Variants in COL15A1 observed in about 807,000 individuals in gnomAD.
The protein encoded by COL15A1 is collagen type XV alpha 1 chain.
A neutral mutation model predicts 165.9 loss-of-function variants in COL15A1; 111 were observed. That is an observed-to-expected ratio of 0.67 (90% CI 0.57 to 0.78). The LOEUF (loss-of-function observed/expected upper bound fraction) is 0.78, where lower values mean the gene tolerates loss of function less well. COL15A1 is among the 30% of genes least tolerant of loss of function. The pLI, the probability that COL15A1 is intolerant of heterozygous loss-of-function variation, is 0.00. For synonymous variants in COL15A1, 659 were observed against 674.8 expected (o/e 0.98, Z 0.36); for missense variants, 1,745 against 1,789.7 (o/e 0.98, Z 0.45).
At chr9:99,066,599 GTTTTTTTTTTTTTTT>G (rs67961829) in intron 39 of COL15A1, among the ~76,000 whole-genome samples, 1 of 71,082 alleles carries the variant, frequency 1.4e-5, no homozygotes, top group East Asian at 3.6e-4. Flanking sequence ...ATTTTGTTCT[GTTTTTTTTTTTTTTT>G]TTTTTTTTTT....
In COL15A1 at chr9:99,053,564, C is replaced by T. The variant is rs61651644; in HGVS notation, c.2951-1012C>T. On this transcript the variant is annotated intron_variant, in intron 31 of 41. Coordinates refer to ENST00000375001, the MANE Select transcript of COL15A1 (RefSeq NM_001855.5). ...TTACTGTGTGCAGCTACTACTGCTC[C>T]GGTTGGTGCTGGTGCACTTGCTGTC... Among the ~76,000 whole-genome samples the T allele has an allele frequency of 5.8e-3, 880 of 152,330 alleles. 11 individuals carry two copies. Among genetic ancestry groups the T allele is most frequent in the African/African-American group, 0.019 (810 of 41,572 alleles).
chr9:99,027,315 C>A (rs1029787938), intron 16 of COL15A1, among the ~76,000 whole-genome samples: 2 of 152,200 alleles, frequency 1.3e-5, no homozygotes, highest in African/African-American at 4.8e-5. Context: ...TCTGTAGACA[C>A]CACCATCATC....
chr9:98,944,286 T>C (rs1474237119), intron 2 of COL15A1, 36 bp downstream of exon 2: 1 of 1,595,448 alleles, frequency 6.3e-7, no homozygotes, highest in Non-Finnish European at 8.6e-7. Flanking sequence ...ACCGGCTGCC[T>C]CCGCGCCCGT....
At chr9:99,055,199 T>C (rs769612603) in intron 33 of COL15A1, 48 bp downstream of exon 33, 1 of 1,593,590 alleles carries the variant, frequency 6.3e-7, no homozygotes, top group South Asian at 1.1e-5. Flanking sequence ...CAGGTTTTGG[T>C]TTATGTCAGA....
In COL15A1 at chr9:99,050,760, C is replaced by T. The variant is rs11793451; in HGVS notation, c.2904+865C>T. 5.8e-3 allele frequency among the ~76,000 whole-genome samples: 877 copies of T among 152,322 alleles called. 7 individuals carry two copies. Among genetic ancestry groups the T allele is most frequent in the Admixed American group, 0.012 (189 of 15,304 alleles). On this transcript the variant is annotated intron_variant, in intron 30 of 41. Transcript: ENST00000375001. The stretch of plus-strand genomic sequence containing the variant: ...TCTGCTCTCAGGAGCTTGCAAATTA[C>T]AATTTAGAAATATTCTTTGAGGTGA...
intron 16 of COL15A1, 39 bp downstream of exon 16, chr9:99,026,005 A>T: frequency 1.3e-6 from 2 of 1,571,474 alleles, no homozygotes; most frequent in East Asian, 2.3e-5. Context: ...CATGGGAGCC[A>T]CCAGGCCCAC....
Position 98,944,215 on chromosome 9 carries a change from C to G in COL15A1, c.65C>G (p.Pro22Arg). 1 of 1,614,066 alleles carries G rather than the reference C, an allele frequency of 6.2e-7. No individual in the cohort carries two copies. Among genetic ancestry groups the G allele is most frequent in the Non-Finnish European group, 8.5e-7 (1 of 1,179,984 alleles). The part of the protein sequence containing the change: ...CLLMLLSVST[P>R]LPAVTQTRGA... ...CTGATGCTGCTCTCGGTCTCCACGC[C>G]CCTCCCTGCTGTCACCCAGACCCGC... Residue 22 changes from proline to arginine, a missense_variant, in exon 2 of 42, where the codon CCC becomes CGC. Coordinates refer to ENST00000375001, the MANE Select transcript of COL15A1 (RefSeq NM_001855.5).
At chr9:98,986,214 C>T (rs941783499) in intron 3 of COL15A1, 102 bp downstream of exon 3, 52 of 947,846 alleles carry the variant, frequency 5.5e-5, no homozygotes, top group Non-Finnish European at 8.1e-5. Context: ...ATTCTTATGT[C>T]CTCAAAGAAG....
chr9:98,962,703 C>A (rs976414778), intron 2 of COL15A1, among the ~76,000 whole-genome samples: 5 of 152,140 alleles, frequency 3.3e-5, no homozygotes, highest in African/African-American at 1.2e-4. Flanking sequence ...AGGTCCCCAA[C>A]TTGTGGGGGA....
chr9:99,035,195 C>T (rs1839279476), intron 18 of COL15A1, 41 bp downstream of exon 18: 2 of 1,580,204 alleles, frequency 1.3e-6, no homozygotes, highest in Non-Finnish European at 1.7e-6. Flanking sequence ...ATGATGTGTA[C>T]TAAGGGCTAC....
In COL15A1 at chr9:99,054,780, C is replaced by T. The variant is rs1825688312; in HGVS notation, c.3031+124C>T. The T allele has an allele frequency of 2.7e-6, 3 of 1,123,518 alleles. No individual in the cohort carries two copies. In the South Asian group the frequency reaches 4.9e-5, roughly 18 times the overall value. 69.6% of individuals were successfully genotyped at this position (1,123,518 alleles called of 1,614,324 possible). A position where few individuals can be genotyped will look rare whatever the true frequency, so the allele number is the denominator to read the frequency against. ...CATTCCACCCTGACCACAGGCTCCA[C>T]TGGTTTCTAGTGAAAACCAAGCATG... On this transcript the variant is annotated intron_variant, in intron 32 of 41. Coordinates refer to ENST00000375001, the MANE Select transcript of COL15A1 (RefSeq NM_001855.5).
At chr9:99,029,857 C>A (rs527781749) in intron 16 of COL15A1, among the ~76,000 whole-genome samples, 10 of 150,948 alleles carry the variant, frequency 6.6e-5, no homozygotes, top group African/African-American at 2.4e-4. Flanking sequence ...CCCGGGAGGC[C>A]GGGGTTGCAG....
At chr9:98,979,954 C>T (rs75662704) in intron 2 of COL15A1, among the ~76,000 whole-genome samples, 2,204 of 151,996 alleles carry the variant, frequency 0.015, 35 homozygotes, top group African/African-American at 0.048. Context: ...TCCAGGAGCT[C>T]GAGACCAACG....
chr9:99,042,559 G>A (rs1030183314), intron 24 of COL15A1, among the ~76,000 whole-genome samples: 2 of 152,230 alleles, frequency 1.3e-5, no homozygotes, highest in Admixed American at 1.3e-4. Context: ...CAGGCATCCT[G>A]CCAGCTTCTT....
chr9:99,037,289 T>C (rs557440415), intron 21 of COL15A1, among the ~76,000 whole-genome samples: 28 of 152,350 alleles, frequency 1.8e-4, no homozygotes, highest in African/African-American at 6.7e-4. Context: ...ACTGGCCTCA[T>C]AGTGCTGGTT....
rs1264547568 is a variant in COL15A1 at position 99,035,089 on chromosome 9, C to G, written c.2155C>G (p.Pro719Ala). ...GQAGPPGVMG[P>A]PGPPGPPGPP... ...AGCTGGCCCTCCTGGGGTCATGGGACCCCCAGGGCCTCCTGGACCCCCTGG... is the reference window on the plus strand; with the variant it reads ...AGCTGGCCCTCCTGGGGTCATGGGAGCCCCAGGGCCTCCTGGACCCCCTGG... Residue 719 changes from proline to alanine, a missense_variant, in exon 18 of 42, where the codon CCC becomes GCC. By Grantham distance (27) the Pro-to-Ala change is conservative. Transcript: ENST00000375001. 10 of 1,602,224 alleles carry G rather than the reference C, an allele frequency of 6.2e-6. No homozygotes were observed. Among genetic ancestry groups the G allele is most frequent in the Non-Finnish European group, 8.5e-6 (10 of 1,169,624 alleles).
chr9:98,967,160 ACAGG>A (rs1459137276), intron 2 of COL15A1, among the ~76,000 whole-genome samples: 3 of 152,210 alleles, frequency 2.0e-5, no homozygotes, highest in Non-Finnish European at 4.4e-5. Flanking sequence ...GCTGAGGGAC[ACAGG>A]TGAGGAACAG....
At chr9:99,024,277 G>GTTTTTTTTTTTT (rs773196929) in intron 14 of COL15A1, among the ~76,000 whole-genome samples, 62 of 108,626 alleles carry the variant, frequency 5.7e-4, no homozygotes, top group African/African-American at 1.1e-3. Context: ...AGTTTTTTTT[G>GTTTTTTTTTTTT]TTTTTTTGTT....
At chr9:98,944,608 C>T (rs1837546870) in intron 2 of COL15A1, among the ~76,000 whole-genome samples, 1 of 152,276 alleles carries the variant, frequency 6.6e-6, no homozygotes, top group Non-Finnish European at 1.5e-5. Flanking sequence ...TGCGTGCTGG[C>T]TGGCTTCTGG....
Sources: gnomAD v4.1 joint callset for allele counts (sites outside exome capture counted in the v4.1 genomes callset) on GRCh38, gnomAD v4.1.1 for gene constraint, MANE v1.5 for transcripts, NCBI Gene and HGNC (gene_info 2026-07-23, HGNC 2026-07-21) for gene names.